Variants in TRUB1 observed in about 807,000 individuals in gnomAD.
TRUB1 encodes TruB pseudouridine synthase family member 1.
A neutral mutation model predicts 33.9 loss-of-function variants in TRUB1; 23 were observed. That is an observed-to-expected ratio of 0.68 (90% CI 0.49 to 0.96). The LOEUF is 0.96. Among genes scored for constraint, TRUB1 ranks in the 40% least tolerant of loss-of-function variants. The probability of loss-of-function intolerance (pLI) is 0.00; values close to 1 mark genes in which losing one functional copy is unlikely to be tolerated. For synonymous variants in TRUB1, 163 were observed against 165.4 expected (o/e 0.99, Z 0.11); for missense variants, 378 against 422.2 (o/e 0.90, Z 0.92).
At chr10:114,958,442 T>C (rs2084270657) in intron 3 of TRUB1, among the ~76,000 whole-genome samples, 1 of 152,266 alleles carries the variant, frequency 6.6e-6, no homozygotes, top group African/African-American at 2.4e-5. Context: ...TAAGCTGTTA[T>C]AAAATGTCTG....
rs774806190 is a variant in TRUB1, at chr10:114,938,285, C to G, written c.32C>G (p.Ser11Trp). Residue 11 changes from serine to tryptophan, a missense_variant, in exon 1 of 8, where the codon TCG becomes TGG. Transcript: ENST00000298746. ...GCTTCTGAGGCGGCGGTGGTGTCTT[C>G]GCCGTCTTTGAAAACAGACACATCC... MAASEAAVVS[S>W]PSLKTDTSPV... is the part of the protein sequence containing the mutation. The G allele has an allele frequency of 6.2e-7, 1 of 1,614,212 alleles. No individual in the cohort carries two copies. The highest frequency in any genetic ancestry group is 1.7e-5 in the Admixed American group (1 of 60,030).
In TRUB1 at chr10:114,975,523, T is replaced by A; in HGVS notation, c.*144T>A. The A allele has an allele frequency of 1.3e-6, 1 of 758,178 alleles. No homozygotes were observed. The highest frequency in any genetic ancestry group is 2.8e-5 in the South Asian group (1 of 36,304). 47.0% of individuals were successfully genotyped at this position (758,178 alleles called of 1,614,324 possible). On this transcript the variant is annotated 3_prime_UTR_variant, in exon 8 of 8. Transcript: ENST00000298746. ...AAATGTCTATCATTTACAGTTTCAA[T>A]AGCACATAATTTATTTTCTATGCAT...
intron 1 of TRUB1, among the ~76,000 whole-genome samples, chr10:114,942,420 G>A (rs909168311): frequency 2.6e-5 from 4 of 152,106 alleles, no homozygotes; most frequent in African/African-American, 9.7e-5. Flanking sequence ...GAATTCTACT[G>A]TCTTGATAGC....
At chr10:114,958,633 T>A (rs1425991161) in intron 3 of TRUB1, among the ~76,000 whole-genome samples, 1 of 152,234 alleles carries the variant, frequency 6.6e-6, no homozygotes. Flanking sequence ...TCTTGCACTT[T>A]TTTCACTACT....
In TRUB1 at chr10:114,970,379, CAAG is replaced by C; in HGVS notation, c.540_542del (p.Glu180del). On this transcript the variant is annotated inframe_deletion, in exon 5 of 8. Coordinates refer to ENST00000298746, the MANE Select transcript of TRUB1 (RefSeq NM_139169.5). ...TTGATTTTTGGCAGATAAAATAACA[CAAG>C]AAGATATTGAAGGCATTCTACAGAA... 1 of 1,610,516 alleles carries C rather than the reference CAAG, an allele frequency of 6.2e-7. No homozygotes were observed. Among genetic ancestry groups the C allele is most frequent in the Non-Finnish European group, 8.5e-7 (1 of 1,177,420 alleles).
At position 114,942,497 on chromosome 10, in the gene TRUB1, A is replaced by C. The variant is rs543300669; in HGVS notation, c.287-148A>C. On this transcript the variant is annotated intron_variant, in intron 1 of 7. Transcript: ENST00000298746. ...ATTTTAAAATCTTTTCTTTGCTAGT[A>C]ATGAGGTCATAGTCTCTTAACATGT... 4.3e-5 allele frequency: 22 copies of C among 516,558 alleles called. No homozygotes were observed. The South Asian group carries it at 7.2e-4, about 17-fold the overall frequency. The allele number at this position is 516,558 out of a possible 1,614,324, so 32.0% of individuals were successfully genotyped here. A position where few individuals can be genotyped will look rare whatever the true frequency, so the allele number is the denominator to read the frequency against.
chr10:114,950,885 A>G (rs1224540970), intron 2 of TRUB1, among the ~76,000 whole-genome samples: 2 of 152,184 alleles, frequency 1.3e-5, no homozygotes, highest in Non-Finnish European at 2.9e-5. Context: ...ATGGGGAGAA[A>G]GGTCTTCTCT....
intron 4 of TRUB1, among the ~76,000 whole-genome samples, chr10:114,963,865 G>T (rs1203838111): frequency 1.3e-5 from 2 of 152,020 alleles, no homozygotes; most frequent in Non-Finnish European, 2.9e-5. Context: ...CCCAGTTTGG[G>T]GCTTTGTGAA....
At chr10:114,970,282 ATG>A in intron 4 of TRUB1, 84 bp from the exon 5 acceptor site, 1 of 932,780 alleles carries the variant, frequency 1.1e-6, no homozygotes, top group Non-Finnish European at 1.7e-6. Flanking sequence ...AAAGTTTTAA[ATG>A]AATTTTCAGG....
In TRUB1 at chr10:114,975,159, G is replaced by A. The variant is rs759120215; in HGVS notation, c.830G>A (p.Arg277Gln). 6 of 1,613,240 alleles carry A rather than the reference G, an allele frequency of 3.7e-6. No homozygotes were observed. The highest frequency in any genetic ancestry group is 2.2e-5 in the East Asian group (1 of 44,840). ...TGTGCCAATGTGCTAGAGCTGACCC[G>A]AACCAAACAGGGACCATTTACGCTA... is the stretch of plus-strand genomic sequence containing the variant. ...SSCANVLELTRTKQGPFTLEE... is the reference protein window; with the variant it reads ...SSCANVLELTQTKQGPFTLEE... The change falls in exon 8 of 8, where the codon CGA (arginine) becomes CAA (glutamine). Residue 277 changes from arginine to glutamine, a missense_variant. Arg to Gln is a conservative substitution (Grantham distance 43). Coordinates refer to ENST00000298746, the MANE Select transcript of TRUB1 (RefSeq NM_139169.5).
At chr10:114,973,226 G>A (rs1025297938) in intron 6 of TRUB1, among the ~76,000 whole-genome samples, 2 of 152,130 alleles carry the variant, frequency 1.3e-5, no homozygotes, top group Admixed American at 6.6e-5. Context: ...CACTTAGGAA[G>A]GTTGTGCTCC....
At position 114,951,159 on chromosome 10, in the gene TRUB1, C is replaced by T; in HGVS notation, c.441+10C>T. The T allele has an allele frequency of 6.2e-7, 1 of 1,606,512 alleles. No individual in the cohort carries two copies. Among genetic ancestry groups the T allele is most frequent in the Non-Finnish European group, 8.5e-7 (1 of 1,174,864 alleles). On this transcript the variant is annotated intron_variant, in intron 3 of 7. Transcript: ENST00000298746. The stretch of plus-strand genomic sequence containing the variant: ...GTTGTCAGGGTCCAAGGTAAGAATA[C>T]TGAAATAGTTCTATTTTTCTTTAAT...
At chr10:114,940,635 T>A (rs1049066986) in intron 1 of TRUB1, among the ~76,000 whole-genome samples, 5 of 152,222 alleles carry the variant, frequency 3.3e-5, no homozygotes, top group Non-Finnish European at 7.4e-5. Flanking sequence ...CTTAGTTCAG[T>A]GGGGTGAACC....
intron 3 of TRUB1, among the ~76,000 whole-genome samples, chr10:114,959,460 TAATG>T (rs1346963955): frequency 6.6e-6 from 1 of 152,222 alleles, no homozygotes; most frequent in Non-Finnish European, 1.5e-5. Context: ...CTTACAATAA[TAATG>T]GTCATAATTA....
chr10:114,975,255 C>T lies in TRUB1; in HGVS notation c.926C>T (p.Ser309Phe), dbSNP rs1332022292. 1 of 1,613,656 alleles carries T rather than the reference C, an allele frequency of 6.2e-7. No homozygotes were observed. The highest frequency in any genetic ancestry group is 2.2e-5 in the East Asian group (1 of 44,856). ...GCACAGTCTCTTGAGCATTGCTCAT[C>T]TCTTTTCCCAGCAGAGTTGGCACTT... ...DIAQSLEHCS[S>F]LFPAELALKK... Residue 309 changes from serine (S) to phenylalanine (F), a missense_variant, in exon 8 of 8, where the codon TCT (serine) becomes TTT (phenylalanine). By Grantham distance (155) the Ser-to-Phe change is radical. Coordinates refer to ENST00000298746, the MANE Select transcript of TRUB1 (RefSeq NM_139169.5).
At chr10:114,948,080 A>ATTTTTG (rs2084218703) in intron 2 of TRUB1, among the ~76,000 whole-genome samples, 1 of 152,134 alleles carries the variant, frequency 6.6e-6, no homozygotes, top group Non-Finnish European at 1.5e-5. Context: ...GGAGATAGTT[A>ATTTTTG]TTTTTGTTTT....
At chr10:114,970,494 A>T in intron 5 of TRUB1, 54 bp downstream of exon 5, 2 of 1,292,424 alleles carry the variant, frequency 1.5e-6, no homozygotes, top group Non-Finnish European at 2.2e-6. Flanking sequence ...TCCAATGGTT[A>T]ACATCACTCT....
chr10:114,939,823 T>C (rs1211714369), intron 1 of TRUB1, among the ~76,000 whole-genome samples: 1 of 135,434 alleles, frequency 7.4e-6, no homozygotes, highest in East Asian at 1.9e-4. Context: ...CTGGGTTTCT[T>C]TTCTTTTTTT....
At chr10:114,956,599 G>A (rs1592051088) in intron 3 of TRUB1, among the ~76,000 whole-genome samples, 1 of 152,120 alleles carries the variant, frequency 6.6e-6, no homozygotes, top group East Asian at 1.9e-4. Context: ...TCAATCATCG[G>A]TTCGCAGGGT....
Sources: gnomAD v4.1 joint callset for allele counts (sites outside exome capture counted in the v4.1 genomes callset) on GRCh38, gnomAD v4.1.1 for gene constraint, MANE v1.5 for transcripts, NCBI Gene and HGNC (gene_info 2026-07-23, HGNC 2026-07-21) for gene names.